The following PTPRS variants were observed in gnomAD, a reference collection of about 807,000 sequenced individuals.
PTPRS encodes the protein protein tyrosine phosphatase receptor type S.
In PTPRS, 63 loss-of-function variants were observed where a neutral mutation model predicts 215.3. The observed-to-expected ratio is 0.29, with a 90% CI of 0.24 to 0.36. The LOEUF (loss-of-function observed/expected upper bound fraction) is 0.36. PTPRS is among the 10% of genes least tolerant of loss of function. The pLI is 1.00. For missense variants in PTPRS, 2,258 were observed against 2,825.8 expected (o/e 0.80, Z 4.56); for synonymous variants, 1,404 against 1,191.4 (o/e 1.18, Z -3.68).
At chr19:5,271,472 A>G (rs2146535040) in intron 4 of PTPRS, among the ~76,000 whole-genome samples, 1 of 145,146 alleles carries the variant, frequency 6.9e-6, no homozygotes, top group East Asian at 2.0e-4. Context: ...ATCTCGGCTC[A>G]CTGCAACCTC....
chr19:5,301,789 G>A (rs952044156), intron 1 of PTPRS, among the ~76,000 whole-genome samples: 2 of 151,228 alleles, frequency 1.3e-5, no homozygotes, highest in African/African-American at 2.4e-5. Context: ...ACCCCCCATT[G>A]ATTGGATGAT....
intron 4 of PTPRS, among the ~76,000 whole-genome samples, chr19:5,270,698 C>T (rs554762436): frequency 6.6e-6 from 1 of 152,180 alleles, no homozygotes; most frequent in African/African-American, 2.4e-5. Context: ...AGTACAGTGG[C>T]GCAATCTCAG....
In PTPRS at chr19:5,206,849, G is replaced by A. The variant is rs182778776; in HGVS notation, c.5779-7C>T. 1.3e-5 allele frequency: 21 copies of A among 1,613,902 alleles called. No homozygotes were observed. The highest frequency in any genetic ancestry group is 4.5e-5 in the East Asian group (2 of 44,866). On this transcript the variant is annotated splice_region_variant and splice_polypyrimidine_tract_variant and intron_variant, in intron 37 of 37. Transcript: ENST00000262963. Reference sequence around the variant, plus strand: ...AACAGAACTGGTACTCATCCTGGGGGAGCAGAGGTGACCTGTTAGTACCTC... The same window carrying A: ...AACAGAACTGGTACTCATCCTGGGGAAGCAGAGGTGACCTGTTAGTACCTC...
intron 9 of PTPRS, 51 bp from the exon 10 acceptor site, chr19:5,246,096 G>T (rs1442379548): frequency 3.2e-6 from 4 of 1,235,332 alleles, no homozygotes; most frequent in Non-Finnish European, 4.3e-6. Context: ...GGGGTGAGGT[G>T]GGGTGAGGTT....
At chr19:5,221,468 A>C (rs1276091161) in intron 19 of PTPRS, among the ~76,000 whole-genome samples, 4 of 150,962 alleles carry the variant, frequency 2.6e-5, no homozygotes, top group Admixed American at 6.6e-5. Context: ...GACTGTGCCT[A>C]AATTCCAGCT....
At chr19:5,273,403 G>GC in intron 4 of PTPRS, 39 bp downstream of exon 4, 1 of 1,613,522 alleles carries the variant, frequency 6.2e-7, no homozygotes, top group Non-Finnish European at 8.5e-7. Flanking sequence ...AAAGCCCAGG[G>GC]CCCAGTTTAT....
At chr19:5,330,320 C>G (rs574425919) in intron 1 of PTPRS, among the ~76,000 whole-genome samples, 7 of 152,290 alleles carry the variant, frequency 4.6e-5, no homozygotes, top group Admixed American at 4.6e-4. Context: ...GTTTCCCCAT[C>G]CGCAAGACAA....
chr19:5,250,063 C>T (rs2044857475), intron 9 of PTPRS, among the ~76,000 whole-genome samples: 1 of 152,194 alleles, frequency 6.6e-6, no homozygotes, highest in African/African-American at 2.4e-5. Context: ...GGGCATTTAT[C>T]AACAGCAGTA....
At position 5,339,759 on chromosome 19, in the gene PTPRS, T is replaced by C. The variant is rs560460369; in HGVS notation, c.-95+905A>G. Among the ~76,000 whole-genome samples the C allele has an allele frequency of 2.3e-3, 342 of 150,422 alleles. 1 individual carries two copies. The highest frequency in any genetic ancestry group is 8.1e-3 in the African/African-American group (331 of 40,892). On this transcript the variant is annotated intron_variant, in intron 1 of 37. Transcript: ENST00000262963. This position sits in a 1 kb window ranked among gnomAD's most constrained non-coding sequence, Gnocchi z 4.2. Reference sequence around the variant, plus strand: ...GCCCCCGGTATGACGTCACCTCCCCTCCCCCCGCAGCCCCCGGGGGCTCCC... The same window carrying C: ...GCCCCCGGTATGACGTCACCTCCCCCCCCCCCGCAGCCCCCGGGGGCTCCC...
intron 1 of PTPRS, among the ~76,000 whole-genome samples, chr19:5,288,505 C>G (rs900808891): frequency 1.3e-5 from 2 of 152,192 alleles, no homozygotes; most frequent in Non-Finnish European, 2.9e-5. Flanking sequence ...AAGTTGCCAA[C>G]GAGGAAGGCG....
At position 5,240,211 on chromosome 19, in the gene PTPRS, GTCGCCTT is replaced by G. The variant is rs2043910214; in HGVS notation, c.1685_1691del (p.Glu562AlafsTer21). The G allele has an allele frequency of 6.5e-7, 1 of 1,546,662 alleles. No homozygotes were observed. Among genetic ancestry groups the G allele is most frequent in the Admixed American group, 2.0e-5 (1 of 50,494 alleles). ...CGCGCTGCCTCACCTCCCGGCCATG[GTCGCCTT>G]CCCGGAAGAGGAGCTCGTACTTGAT... On this transcript the variant is annotated frameshift_variant, in exon 12 of 38. Coordinates refer to ENST00000262963, the MANE Select transcript of PTPRS (RefSeq NM_002850.4). LOFTEE classifies it high-confidence loss of function.
chr19:5,331,493 G>C (rs532532541), intron 1 of PTPRS, among the ~76,000 whole-genome samples: 1 of 152,094 alleles, frequency 6.6e-6, no homozygotes, highest in African/African-American at 2.4e-5. Flanking sequence ...ATCTGGGATG[G>C]GGTCATCCTG....
chr19:5,219,122 C>T, intron 23 of PTPRS, 188 bp downstream of exon 23: 1 of 807,710 alleles, frequency 1.2e-6, no homozygotes, highest in Non-Finnish European at 1.9e-6. Context: ...CACTGGCCTG[C>T]TTTGAGCCCT....
At chr19:5,259,838 T>C (rs1198179656) in intron 7 of PTPRS, among the ~76,000 whole-genome samples, 1 of 152,168 alleles carries the variant, frequency 6.6e-6, no homozygotes, top group African/African-American at 2.4e-5. Context: ...CTGGAGGTCA[T>C]GGATAAAGAC....
At position 5,222,805 on chromosome 19, in the gene PTPRS, G is replaced by A. The variant is rs775778266; in HGVS notation, c.2987C>T (p.Thr996Met). 3.1e-5 allele frequency: 49 copies of A among 1,597,764 alleles called. 1 individual carries two copies. The highest frequency in any genetic ancestry group is 3.3e-4 in the Middle Eastern group (2 of 6,054). The change falls in exon 18 of 38, where the codon ACG becomes ATG. Residue 996 changes from threonine to methionine, a missense_variant. Physicochemically the swap from Thr to Met is moderately conservative, Grantham distance 81. Coordinates refer to ENST00000262963, the MANE Select transcript of PTPRS (RefSeq NM_002850.4). ...CGTGTCGGGCTTCAGGCCCTGCAGC[G>A]TGAGCGCGTTCTCCGCGCCCGGCTC... ...AAEPGAENAL[T>M]LQGLKPDTAY... is the part of the protein sequence containing the mutation.
At chr19:5,302,962 C>T (rs1214640772) in intron 1 of PTPRS, among the ~76,000 whole-genome samples, 3 of 150,812 alleles carry the variant, frequency 2.0e-5, no homozygotes, top group Non-Finnish European at 4.4e-5. Flanking sequence ...CCCAGCTACT[C>T]GGGAGGCTGA....
intron 19 of PTPRS, among the ~76,000 whole-genome samples, chr19:5,221,890 C>A (rs2042007708): frequency 6.6e-6 from 1 of 152,180 alleles, no homozygotes; most frequent in South Asian, 2.1e-4. Context: ...CAAGGCTGAG[C>A]CCAACATTGA....
intron 1 of PTPRS, among the ~76,000 whole-genome samples, chr19:5,320,280 AG>A (rs2049990324): frequency 6.6e-6 from 1 of 152,098 alleles, no homozygotes; most frequent in African/African-American, 2.4e-5. Context: ...TCCCTCCGGC[AG>A]GTTTAATCCC....
Position 5,264,934 on chromosome 19 carries a change from T to A in PTPRS, c.568+74A>T, listed in dbSNP as rs1324691789. ...TCTGTCCTCCAGTAGTCCCCAGAAC[T>A]TGGGCCCTGGAGATGCTCCCCACCC... On this transcript the variant is annotated intron_variant, in intron 5 of 37. Coordinates refer to ENST00000262963, the MANE Select transcript of PTPRS (RefSeq NM_002850.4). 1.6e-5 allele frequency: 24 copies of A among 1,520,476 alleles called. No individual in the cohort carries two copies. In the Middle Eastern group the frequency reaches 5.1e-4, roughly 33 times the overall value. 94.2% of individuals were successfully genotyped at this position (1,520,476 alleles called of 1,614,324 possible).
Sources: allele counts gnomAD v4.1 joint callset (sites outside exome capture counted in the v4.1 genomes callset), GRCh38; gene constraint gnomAD v4.1.1; non-coding constraint Gnocchi (gnomAD v3.1); transcripts MANE v1.5; gene names NCBI Gene and HGNC (gene_info 2026-07-23, HGNC 2026-07-21).